ST3GAL3: variants seen among roughly 807,000 people sequenced by gnomAD.
ST3GAL3 encodes the protein CMP-N-acetylneuraminate-beta-1,4-galactoside alpha-2,3-sialyltransferase.
In ST3GAL3, 21 loss-of-function variants were observed where a neutral mutation model predicts 50.1. The observed-to-expected ratio is 0.42, with a 90% CI of 0.30 to 0.60. The LOEUF is 0.60. Among genes scored for constraint, ST3GAL3 ranks in the 20% least tolerant of loss-of-function variants. The pLI is 0.19. For missense variants in ST3GAL3, 353 were observed against 489.4 expected (o/e 0.72, Z 2.63); for synonymous variants, 183 against 190.0 (o/e 0.96, Z 0.30).
chr1:43,830,750 T>C (rs1160713234), intron 4 of ST3GAL3, among the ~76,000 whole-genome samples: 1 of 152,222 alleles, frequency 6.6e-6, no homozygotes, highest in Non-Finnish European at 1.5e-5. Flanking sequence ...ATGATGGAAT[T>C]GTTTTAGTGG....
intron 5 of ST3GAL3, among the ~76,000 whole-genome samples, chr1:43,863,897 C>G (rs977922918): frequency 1.3e-5 from 2 of 152,206 alleles, no homozygotes; most frequent in African/African-American, 4.8e-5. Flanking sequence ...CTCCAGAGAC[C>G]CCAAGTATTC....
chr1:43,902,412 C>A (rs1571027075), intron 9 of ST3GAL3, among the ~76,000 whole-genome samples: 1 of 152,142 alleles, frequency 6.6e-6, no homozygotes, highest in African/African-American at 2.4e-5. Flanking sequence ...TGGGAAGGGG[C>A]AGGGGGGAAG....
intron 1 of ST3GAL3, among the ~76,000 whole-genome samples, chr1:43,726,428 A>G (rs1467557595): frequency 5.3e-5 from 8 of 152,102 alleles, no homozygotes; most frequent in African/African-American, 1.9e-4. Flanking sequence ...CTGGGACTAC[A>G]GGCACATGCC....
intron 2 of ST3GAL3, chr1:43,743,485 A>C: frequency 2.4e-6 from 1 of 415,520 alleles, no homozygotes. Flanking sequence ...CGATCATACT[A>C]ATTTGAAGGT....
Position 43,930,150 on chromosome 1 carries a change from C to T in ST3GAL3, c.1057C>T (p.Gln353Ter). ...CTTTCAGTCCTGGACGCACAATATC[C>T]AGCGAGAGAAAGAGTTTCTGCGGAA... ...AIKESWTHNIQREKEFLRKLV... is the reference protein window; with the variant it reads ...AIKESWTHNI The change falls in exon 12 of 12, where the codon CAG becomes TAG. Residue 353 changes from glutamine (Q) to a stop codon, truncating the protein, a stop_gained. Transcript: ENST00000347631. LOFTEE classifies it high-confidence loss of function. 6.2e-7 allele frequency: 1 copy of T among 1,614,204 alleles called. No homozygotes were observed. The highest frequency in any genetic ancestry group is 8.5e-7 in the Non-Finnish European group (1 of 1,180,040).
At chr1:43,898,576 A>G (rs971039595) in intron 7 of ST3GAL3, 9 of 527,684 alleles carry the variant, frequency 1.7e-5, no homozygotes, top group African/African-American at 1.3e-4. Context: ...CTAGCCCAGC[A>G]ATGGGACTGA....
At chr1:43,744,355 T>C (rs1005848689) in intron 2 of ST3GAL3, among the ~76,000 whole-genome samples, 1 of 151,994 alleles carries the variant, frequency 6.6e-6, no homozygotes, top group Non-Finnish European at 1.5e-5. Flanking sequence ...GTTCAAGCGA[T>C]TCTCCTACCT....
chr1:43,728,105 C>A (rs936847763), intron 1 of ST3GAL3, among the ~76,000 whole-genome samples: 1 of 152,060 alleles, frequency 6.6e-6, no homozygotes, highest in Admixed American at 6.6e-5. Flanking sequence ...CTGCCACTTA[C>A]AAGTAAGAAC....
rs1339037611 is a variant in ST3GAL3 at position 43,771,824 on chromosome 1, G to A, written c.119-20278G>A. On this transcript the variant is annotated intron_variant, in intron 2 of 11. Coordinates refer to ENST00000347631, the MANE Select transcript of ST3GAL3 (RefSeq NM_006279.5). Reference sequence around the variant, plus strand: ...TTGTTATAGTTGTGATGCTTATAGTGTTAATTTGAGGAAAATAACTTTCTT... The same window carrying A: ...TTGTTATAGTTGTGATGCTTATAGTATTAATTTGAGGAAAATAACTTTCTT... The A allele has an allele frequency of 7.7e-6, 3 of 388,210 alleles. No homozygotes were observed. The East Asian group carries it at 1.1e-4, about 14-fold the overall frequency. The allele number at this position is 388,210 out of a possible 1,614,324, so 24.0% of individuals were successfully genotyped here. A position where few individuals can be genotyped will look rare whatever the true frequency, so the allele number is the denominator to read the frequency against.
At chr1:43,851,505 G>A (rs991672681) in intron 5 of ST3GAL3, 4 of 1,599,688 alleles carry the variant, frequency 2.5e-6, no homozygotes, top group South Asian at 2.2e-5. Flanking sequence ...TCTCTGGCCC[G>A]GGTACCCCTC....
intron 4 of ST3GAL3, among the ~76,000 whole-genome samples, chr1:43,828,512 T>C (rs1360694376): frequency 6.6e-6 from 1 of 152,158 alleles, no homozygotes; most frequent in Non-Finnish European, 1.5e-5. Flanking sequence ...TAAGGACTTG[T>C]ATTCAGAATA....
intron 9 of ST3GAL3, chr1:43,918,955 G>C (rs1347236663): frequency 6.6e-6 from 1 of 150,388 alleles, no homozygotes; most frequent in East Asian, 2.0e-4. Context: ...TTGCAAATAA[G>C]ATCTTTTTGT....
intron 2 of ST3GAL3, among the ~76,000 whole-genome samples, chr1:43,785,506 C>G (rs890220311): frequency 1.3e-5 from 2 of 152,202 alleles, no homozygotes; most frequent in African/African-American, 4.8e-5. Flanking sequence ...TGAAGAAAAA[C>G]CAAACCTCAA....
At chr1:43,785,132 C>T (rs2057138585) in intron 2 of ST3GAL3, among the ~76,000 whole-genome samples, 1 of 151,810 alleles carries the variant, frequency 6.6e-6, no homozygotes, top group African/African-American at 2.4e-5. Flanking sequence ...TTAGATCCCT[C>T]CAGGATCTAA....
chr1:43,797,638 C>T (rs2058831011), intron 3 of ST3GAL3, among the ~76,000 whole-genome samples: 1 of 152,212 alleles, frequency 6.6e-6, no homozygotes, highest in Admixed American at 6.5e-5. Context: ...GGAACTTCTT[C>T]ATCCTGACAT....
intron 2 of ST3GAL3, among the ~76,000 whole-genome samples, chr1:43,759,065 G>GCA (rs1553285693): frequency 0.068 from 5,139 of 75,280 alleles, 131 homozygotes; most frequent in Admixed American, 0.12. Flanking sequence ...AAAAGCGCGC[G>GCA]CACACACACA....
At chr1:43,770,683 A>G (rs183515611) in intron 2 of ST3GAL3, among the ~76,000 whole-genome samples, 45 of 152,274 alleles carry the variant, frequency 3.0e-4, no homozygotes, top group Middle Eastern at 3.4e-3. Flanking sequence ...ACAGATGCAC[A>G]TGAGACTTGG....
chr1:43,736,155 T>A (rs1678323128), intron 1 of ST3GAL3, 78 bp from the exon 2 acceptor site: 1 of 1,357,826 alleles, frequency 7.4e-7, no homozygotes, highest in South Asian at 1.2e-5. Flanking sequence ...GGAAATTCTC[T>A]CTATAGATAC....
chr1:43,920,598 AG>A (rs2082868363), intron 10 of ST3GAL3, 48 bp downstream of exon 10: 2 of 1,587,138 alleles, frequency 1.3e-6, no homozygotes, highest in African/African-American at 2.7e-5. Flanking sequence ...CTGGGTCAGA[AG>A]TGCCTTGGAA....
Sources: allele counts gnomAD v4.1 joint callset (sites outside exome capture counted in the v4.1 genomes callset), GRCh38; gene constraint gnomAD v4.1.1; transcripts MANE v1.5; gene names NCBI Gene and HGNC (gene_info 2026-07-23, HGNC 2026-07-21).